Variants in PREPL observed in about 807,000 individuals in gnomAD.
The protein encoded by PREPL is prolyl endopeptidase-like.
A neutral mutation model predicts 70.6 loss-of-function variants in PREPL; 77 were observed. That is an observed-to-expected ratio of 1.09 (90% confidence interval 0.91 to 1.32). PREPL has a LOEUF of 1.32. Ranked by LOEUF, PREPL falls within the 40% of genes most tolerant of loss-of-function variation. The probability of loss-of-function intolerance (pLI) is 0.00; values close to 1 mark genes in which losing one functional copy is unlikely to be tolerated. For missense variants in PREPL, 1,002 were observed against 778.2 expected, an observed-to-expected ratio of 1.29 and a Z score of -3.42; for synonymous variants, 315 against 264.8, an observed-to-expected ratio of 1.19 and a Z score of -1.84.
chr2:44,339,643 T>C (rs6740365), intron 5 of PREPL, among the ~76,000 whole-genome samples: 11,680 of 152,278 alleles, frequency 0.077, 575 homozygotes, highest in South Asian at 0.15. Context: ...GATTCCATCA[T>C]TGCTAACATT....
intron 1 of PREPL, chr2:44,360,270 T>C (rs909653653): frequency 6.6e-6 from 1 of 152,244 alleles, no homozygotes; most frequent in African/African-American, 2.4e-5. Context: ...AACTGCCAGG[T>C]GCTTTTATCT....
intron 9 of PREPL, among the ~76,000 whole-genome samples, chr2:44,328,482 C>T (rs541571933): frequency 1.3e-4 from 19 of 146,162 alleles, no homozygotes; most frequent in East Asian, 3.9e-4. Flanking sequence ...TGCTAAATGC[C>T]GCTACAGAGA....
At chr2:44,351,300 C>G (rs541053868) in intron 1 of PREPL, among the ~76,000 whole-genome samples, 1 of 152,134 alleles carries the variant, frequency 6.6e-6, no homozygotes, top group East Asian at 1.9e-4. Flanking sequence ...TCTTTGCAGT[C>G]TGCACTAATT....
Position 44,321,226 on chromosome 2 carries a change from G to A in PREPL, c.*130C>T. On this transcript the variant is annotated 3_prime_UTR_variant, in exon 14 of 14. Transcript: ENST00000409411. ...GATGTAGACTAAGCAAAATTTAGAT[G>A]GAGAAGCACATTTTAAAAAATTAAT... is the stretch of plus-strand genomic sequence containing the variant. The A allele has an allele frequency of 1.2e-6, 1 of 805,856 alleles. No homozygotes were observed. Among genetic ancestry groups the A allele is most frequent in the Non-Finnish European group, 2.0e-6 (1 of 511,758 alleles). The allele number at this position is 805,856 out of a possible 1,614,324, so 49.9% of individuals were successfully genotyped here.
In PREPL at chr2:44,320,175, G is replaced by A. The variant is rs780183426; in HGVS notation, c.*1181C>T. The stretch of plus-strand genomic sequence containing the variant: ...ACAATTCTTAGAATCAAACACTTAC[G>A]TAAATACTTTTTTAAAAAAATAGGT... On this transcript the variant is annotated 3_prime_UTR_variant, in exon 14 of 14. Transcript: ENST00000409411. The A allele has an allele frequency of 4.3e-5, 68 of 1,573,794 alleles. No homozygotes were observed. The Admixed American group carries it at 4.4e-4, about 10-fold the overall frequency.
chr2:44,337,882 T>C (rs571349681), intron 7 of PREPL, among the ~76,000 whole-genome samples: 13 of 152,308 alleles, frequency 8.5e-5, no homozygotes, highest in Admixed American at 2.6e-4. Flanking sequence ...CTGCATCCCC[T>C]GCGGATAAGA....
At chr2:44,359,803 A>G (rs2104273488) in intron 1 of PREPL, 2 of 884,488 alleles carry the variant, frequency 2.3e-6, no homozygotes, top group Admixed American at 4.2e-5. Context: ...GTGGGTTCTC[A>G]GAGTAACTAA....
chr2:44,349,693 G>C (rs772579078), intron 1 of PREPL, among the ~76,000 whole-genome samples: 1 of 152,070 alleles, frequency 6.6e-6, no homozygotes, highest in Non-Finnish European at 1.5e-5. Context: ...GGCCGGGCGC[G>C]GTGGCTCACG....
Position 44,323,373 on chromosome 2 carries a change from A to AT in PREPL, c.1517_1518insA (p.Thr507TyrfsTer18), listed in dbSNP as rs1490463638. 1 of 1,606,726 alleles carries AT rather than the reference A, an allele frequency of 6.2e-7. No homozygotes were observed. The highest frequency in any genetic ancestry group is 8.5e-7 in the Non-Finnish European group (1 of 1,174,324). ...ATTCTTCTAATGTCAGAGGAAGTGT[A>AT]GTGTCCATCATGGTGTTGAGAACAT... On this transcript the variant is annotated frameshift_variant, in exon 11 of 14. Transcript: ENST00000409411. LOFTEE classifies it high-confidence loss of function.
In PREPL at chr2:44,338,502, A is replaced by G. The variant is rs1381826365; in HGVS notation, c.737T>C (p.Met246Thr). ...CATTGTAAAAAATAAATCCCAATTCATAATTGCAGGGGTATCAGCCGCTGT... is the reference window on the plus strand; with the variant it reads ...CATTGTAAAAAATAAATCCCAATTCGTAATTGCAGGGGTATCAGCCGCTGT... ...MRTAADTPAI[M>T]NWDLFFTMKR... Residue 246 changes from methionine (M) to threonine (T), a missense_variant, in exon 7 of 14, where the codon ATG (methionine) becomes ACG (threonine). Met to Thr is a moderately conservative substitution (Grantham distance 81). Transcript: ENST00000409411. 1.2e-6 allele frequency: 2 copies of G among 1,612,406 alleles called. No homozygotes were observed. The highest frequency in any genetic ancestry group is 2.2e-5 in the East Asian group (1 of 44,884).
At chr2:44,344,655 G>A in intron 2 of PREPL, 69 bp from the exon 3 acceptor site, 1 of 1,174,040 alleles carries the variant, frequency 8.5e-7, no homozygotes, top group Non-Finnish European at 1.2e-6. Flanking sequence ...GACTATTCAA[G>A]ATGAAGATGA....
At chr2:44,332,245 C>T (rs890396437) in intron 8 of PREPL, among the ~76,000 whole-genome samples, 2 of 151,922 alleles carry the variant, frequency 1.3e-5, no homozygotes, top group African/African-American at 4.8e-5. Flanking sequence ...CGTGCCCGGC[C>T]GACATGCTAT....
chr2:44,360,716 T>C (rs1172460941), intron 1 of PREPL: 2 of 152,210 alleles, frequency 1.3e-5, no homozygotes, highest in African/African-American at 4.8e-5. Flanking sequence ...TCTAGGGTTG[T>C]TGTTGTAAAG....
At position 44,343,762 on chromosome 2, in the gene PREPL, G is replaced by T. The variant is rs369303884; in HGVS notation, c.332C>A (p.Pro111Gln). Residue 111 changes from proline (P) to glutamine (Q), a missense_variant, in exon 4 of 14, where the codon CCG becomes CAG. Physicochemically the swap from Pro to Gln is moderately conservative, Grantham distance 76. Transcript: ENST00000409411. ...SDQPVMEASF[P>Q]NVSSFEWVKD... ...TGGCTTACCAAAACTGGACACATTC[G>T]GGAAAGAAGCTTCCATTACGGGCTG... 62 of 1,613,526 alleles carry T rather than the reference G, an allele frequency of 3.8e-5. No homozygotes were observed. In the East Asian group the frequency reaches 1.3e-3, roughly 35 times the overall value.
intron 1 of PREPL, among the ~76,000 whole-genome samples, chr2:44,346,774 A>T (rs759406044): frequency 6.6e-6 from 1 of 152,028 alleles, no homozygotes; most frequent in Non-Finnish European, 1.5e-5. Context: ...GGTAGAGAAA[A>T]AAATCTTTCG....
Position 44,332,757 on chromosome 2 carries a change from G to A in PREPL, c.889-101C>T, listed in dbSNP as rs150429180. On this transcript the variant is annotated intron_variant, in intron 7 of 13. Transcript: ENST00000409411. ...CCAAACAAGATGATGTGGATATCTCGTTTACTTTTTGTTACCACGTCATGC... is the reference window on the plus strand; with the variant it reads ...CCAAACAAGATGATGTGGATATCTCATTTACTTTTTGTTACCACGTCATGC... The A allele has an allele frequency of 2.4e-3, 2,286 of 968,828 alleles. 42 individuals are homozygous for A. The African/African-American group carries it at 0.033, about 14-fold the overall frequency. 60.0% of individuals were successfully genotyped at this position (968,828 alleles called of 1,614,324 possible). A position where few individuals can be genotyped will look rare whatever the true frequency, so the allele number is the denominator to read the frequency against.
At chr2:44,357,008 G>A (rs868092675) in intron 1 of PREPL, among the ~76,000 whole-genome samples, 3 of 152,302 alleles carry the variant, frequency 2.0e-5, no homozygotes, top group Middle Eastern at 3.4e-3. Context: ...GTTTTGCCAT[G>A]TTGCCAAGGC....
intron 10 of PREPL, among the ~76,000 whole-genome samples, chr2:44,324,757 C>A (rs1673323140): frequency 6.6e-6 from 1 of 152,058 alleles, no homozygotes; most frequent in Non-Finnish European, 1.5e-5. Context: ...CATGGTGGCA[C>A]ATGCCTGTAG....
In PREPL at chr2:44,359,720, T is replaced by C. The variant is rs368469256; in HGVS notation, c.-49+1660A>G. The C allele has an allele frequency of 2.5e-6, 4 of 1,585,948 alleles. No homozygotes were observed. Among genetic ancestry groups the C allele is most frequent in the Non-Finnish European group, 3.5e-6 (4 of 1,155,192 alleles). Reference sequence around the variant, plus strand: ...TAATTTGGTCTTCTGCTGCATGATATCAAAGTCCCTGGTTTATGCTCCTTT... The same window carrying C: ...TAATTTGGTCTTCTGCTGCATGATACCAAAGTCCCTGGTTTATGCTCCTTT... On this transcript the variant is annotated intron_variant, in intron 1 of 13. Coordinates refer to ENST00000409411, the MANE Select transcript of PREPL (RefSeq NM_001171613.2).
Sources: gnomAD v4.1 joint callset for allele counts (sites outside exome capture counted in the v4.1 genomes callset) on GRCh38, gnomAD v4.1.1 for gene constraint, MANE v1.5 for transcripts, NCBI Gene and HGNC (gene_info 2026-07-23, HGNC 2026-07-21) for gene names.